Variants in FLG observed in about 807,000 individuals in gnomAD.
FLG encodes epidermal filaggrin.
In FLG, 6 loss-of-function variants were observed where a neutral mutation model predicts 3.8. That is an observed-to-expected ratio of 1.60 (90% CI 0.87 to 3.15). The LOEUF is 3.15. Among genes scored for constraint, FLG ranks in the 30% most tolerant of loss-of-function variants. The pLI is 0.00. For missense variants in FLG, 7,595 were observed against 5,050.9 expected (o/e 1.50, Z -15.27); for synonymous variants, 2,551 against 1,931.6 (o/e 1.32, Z -8.41).
Position 152,308,485 on chromosome 1 carries a change from C to A in FLG, c.6401G>T (p.Gly2134Val). 5 of 1,613,750 alleles carry A rather than the reference C, an allele frequency of 3.1e-6. No homozygotes were observed. Among genetic ancestry groups the A allele is most frequent in the Non-Finnish European group, 4.2e-6 (5 of 1,179,898 alleles). Residue 2134 changes from glycine to valine, a missense_variant, in exon 3 of 3, where the codon GGT becomes GTT. Transcript: ENST00000368799. ...DSSRHSASQE[G>V]QDTIRGHPGP... is the part of the protein sequence containing the mutation. ...CGGGTGTCCACGAATGGTGTCCTGA[C>A]CCTCTTGGGATGCTGAGTGCCTGGA...
chr1:152,323,611 T>G (rs1653050635), intron 1 of FLG, among the ~76,000 whole-genome samples: 1 of 150,476 alleles, frequency 6.6e-6, no homozygotes, highest in Non-Finnish European at 1.5e-5. Flanking sequence ...CCAAAGTGAC[T>G]AAAAAGATAA....
chr1:152,312,544 T>C lies in FLG; in HGVS notation c.2342A>G (p.Asp781Gly), dbSNP rs138055273. Residue 781 changes from aspartate to glycine, a missense_variant, in exon 3 of 3, where the codon GAC becomes GGC. Physicochemically the swap from Asp to Gly is moderately conservative, Grantham distance 94. Coordinates refer to ENST00000368799, the MANE Select transcript of FLG (RefSeq NM_002016.2). Reference protein sequence around the residue: ...HQQSHQESARDRSGERSRRSG... With the variant: ...HQQSHQESARGRSGERSRRSG... Reference sequence around the variant, plus strand: ...ACGTCGAGACCTTTCCCCTGACCGGTCACGTGCGGACTCTTGGTGGCTCTG... The same window carrying C: ...ACGTCGAGACCTTTCCCCTGACCGGCCACGTGCGGACTCTTGGTGGCTCTG... The C allele has an allele frequency of 9.7e-5, 157 of 1,613,514 alleles. 1 individual carries two copies. The African/African-American group carries it at 1.2e-3, about 13-fold the overall frequency.
At position 152,304,124 on chromosome 1, in the gene FLG, G is replaced by A; in HGVS notation, c.10762C>T (p.His3588Tyr). ...PTSHHEDRAG[H>Y]GHSAESSRQS... ...CTGGAGCTCTCTGCAGAGTGCCCGT[G>A]ACCGGCTCTGTCTTCGTGATGGGAC... Residue 3588 changes from histidine to tyrosine, a missense_variant, in exon 3 of 3, where the codon CAC becomes TAC. Coordinates refer to ENST00000368799, the MANE Select transcript of FLG (RefSeq NM_002016.2). 1.3e-6 allele frequency: 2 copies of A among 1,584,746 alleles called. No individual in the cohort carries two copies. The highest frequency in any genetic ancestry group is 1.7e-6 in the Non-Finnish European group (2 of 1,165,168).
chr1:152,324,629 C>A (rs1653087688), intron 1 of FLG, among the ~76,000 whole-genome samples: 2 of 151,848 alleles, frequency 1.3e-5, no homozygotes, highest in Non-Finnish European at 2.9e-5. Context: ...TGGCCCAACA[C>A]AAATTTGTAA....
chr1:152,313,748 G>T lies in FLG; in HGVS notation c.1138C>A (p.Pro380Thr). The T allele has an allele frequency of 6.2e-7, 1 of 1,613,984 alleles. No homozygotes were observed. The highest frequency in any genetic ancestry group is 8.5e-7 in the Non-Finnish European group (1 of 1,179,966). ...TGGCCGGATCCATGTCTTTCTCCTG[G>T]ACTTGATCTTGCCTGTTCATGGGAT... Reference protein sequence around the residue: ...ASSHEQARSSPGERHGSGHQQ... With the variant: ...ASSHEQARSSTGERHGSGHQQ... The change falls in exon 3 of 3, where the codon CCA (proline) becomes ACA (threonine). Residue 380 changes from proline (P) to threonine (T), a missense_variant. Transcript: ENST00000368799.
chr1:152,303,121 G>A lies in FLG; in HGVS notation c.11765C>T (p.Ser3922Phe), dbSNP rs530367801. Residue 3922 changes from serine (S) to phenylalanine (F), a missense_variant, in exon 3 of 3, where the codon TCT becomes TTT. Ser to Phe is a radical substitution (Grantham distance 155). Transcript: ENST00000368799. ...HVQSSPVQSD[S>F]STAKEHGHFS... ...GTGACCATGTTCCTTAGCGGTACTA[G>A]AGTCTGACTGTACAGGTGAAGACTG... is the stretch of plus-strand genomic sequence containing the variant. The A allele has an allele frequency of 6.2e-7, 1 of 1,614,188 alleles. No homozygotes were observed. The highest frequency in any genetic ancestry group is 8.5e-7 in the Non-Finnish European group (1 of 1,180,034).
In FLG at chr1:152,310,171, C is replaced by T. The variant is rs776888904; in HGVS notation, c.4715G>A (p.Arg1572Lys). 1.9e-6 allele frequency: 3 copies of T among 1,613,922 alleles called. No homozygotes were observed. The highest frequency in any genetic ancestry group is 2.5e-6 in the Non-Finnish European group (3 of 1,179,986). ...HEPSTRAGSS[R>K]HSQVGQGESA... ...TTCTCCCTGGCCCACCTGTGAGTGT[C>T]TAGAGCTGCCGGCCCGAGTGGAAGG... is the stretch of plus-strand genomic sequence containing the variant. Residue 1572 changes from arginine (R) to lysine (K), a missense_variant, in exon 3 of 3, where the codon AGA becomes AAA. By Grantham distance (26) the Arg-to-Lys change is conservative (BLOSUM62 2). Transcript: ENST00000368799.
At position 152,313,842 on chromosome 1, in the gene FLG, G is replaced by A. The variant is rs1652638832; in HGVS notation, c.1044C>T (p.His348=). 7 of 1,614,162 alleles carry A rather than the reference G, an allele frequency of 4.3e-6. No individual in the cohort carries two copies. In the East Asian group the frequency reaches 1.1e-4, roughly 26 times the overall value. ...CTGATTGTCTGGAGCTGTCTGCAGA[G>A]TGCCCATGACTGGCTCTGTCTTCAT... ...SHDEDRASHG[H]SADSSRQSGT... The change falls in exon 3 of 3, where the codon CAC becomes CAT. Residue 348 remains histidine (H), a synonymous_variant. Transcript: ENST00000368799.
chr1:152,307,566 T>A lies in FLG; in HGVS notation c.7320A>T (p.Gly2440=), dbSNP rs764773957. 6.2e-7 allele frequency: 1 copy of A among 1,613,818 alleles called. No individual in the cohort carries two copies. The change falls in exon 3 of 3, where the codon GGA becomes GGT. Residue 2440 remains glycine, a synonymous_variant. Coordinates refer to ENST00000368799, the MANE Select transcript of FLG (RefSeq NM_002016.2). ...TGTCTCGTGCCTGCTTGTGGTGGGA[T>A]CCTTGTCTTCCTCCAGTGCTGGTCC... ...RTGTSTGGRQ[G]SHHKQARDSS...
rs1443468058 is a variant in FLG at position 152,305,002 on chromosome 1, C to G, written c.9884G>C (p.Arg3295Thr). The change falls in exon 3 of 3, where the codon AGA becomes ACA. Residue 3295 changes from arginine to threonine, a missense_variant. By Grantham distance (71) the Arg-to-Thr change is moderately conservative. Transcript: ENST00000368799. ...TCCGTGTCTCTCTCCTGGACTTGAT[C>G]TTGCCTGTTCATGGGATGATGCAGC... ...GQAASSHEQA[R>T]SSPGERHGSR... 6 of 1,613,766 alleles carry G rather than the reference C, an allele frequency of 3.7e-6. No individual in the cohort carries two copies. Among genetic ancestry groups the G allele is most frequent in the Non-Finnish European group, 5.1e-6 (6 of 1,179,978 alleles).
In FLG at chr1:152,302,306, T is replaced by A. The variant is rs1009391297; in HGVS notation, c.*394A>T. The A allele has an allele frequency of 4.4e-6, 1 of 226,402 alleles. No homozygotes were observed. Among genetic ancestry groups the A allele is most frequent in the Non-Finnish European group, 8.7e-6 (1 of 114,840 alleles). 14.0% of individuals were successfully genotyped at this position (226,402 alleles called of 1,614,324 possible). Reference sequence around the variant, plus strand: ...AGATGTGCTAGCCCTGATGTTGATATAGCCACTTTGGTATACAGAACTGTT... The same window carrying A: ...AGATGTGCTAGCCCTGATGTTGATAAAGCCACTTTGGTATACAGAACTGTT... On this transcript the variant is annotated 3_prime_UTR_variant, in exon 3 of 3. Transcript: ENST00000368799.
In FLG at chr1:152,302,926, C is replaced by T; in HGVS notation, c.11960G>A (p.Gly3987Asp). Residue 3987 changes from glycine to aspartate, a missense_variant, in exon 3 of 3, where the codon GGT (glycine) becomes GAT (aspartate). Transcript: ENST00000368799. ...CTGAGAGTGTCTAAACCCGGATTCA[C>T]CATAATCATAATCTGCACTACCATA... ...GSYGSADYDY[G>D]ESGFRHSQHG... 1 of 1,614,144 alleles carries T rather than the reference C, an allele frequency of 6.2e-7. No homozygotes were observed. Among genetic ancestry groups the T allele is most frequent in the South Asian group, 1.1e-5 (1 of 91,070 alleles).
rs113136594 is a variant in FLG, at chr1:152,313,436, G to C, written c.1450C>G (p.Arg484Gly). 1.2e-6 allele frequency: 2 copies of C among 1,613,732 alleles called. No homozygotes were observed. Among genetic ancestry groups the C allele is most frequent in the Non-Finnish European group, 1.7e-6 (2 of 1,179,978 alleles). ...CTTCCTCCAGTGCTGGTCCCGGTCC[G>C]TCCATGGGCAGAGTCAGGCTGTTCA... ...THEQPDSAHGRTGTSTGGRQG... is the reference protein window; with the variant it reads ...THEQPDSAHGGTGTSTGGRQG... Residue 484 changes from arginine to glycine, a missense_variant, in exon 3 of 3, where the codon CGG becomes GGG. By Grantham distance (125) the Arg-to-Gly change is moderately radical. Coordinates refer to ENST00000368799, the MANE Select transcript of FLG (RefSeq NM_002016.2).
chr1:152,319,308 A>ATGTG (rs138449164), intron 1 of FLG, among the ~76,000 whole-genome samples: 3,156 of 145,274 alleles, frequency 0.022, 110 homozygotes, highest in African/African-American at 0.072. Context: ...CAACTAGAAA[A>ATGTG]TGTGTGTGTG....
Position 152,307,568 on chromosome 1 carries a change from C to T in FLG, c.7318G>A (p.Gly2440Arg). The T allele has an allele frequency of 1.2e-6, 2 of 1,613,766 alleles. No individual in the cohort carries two copies. The highest frequency in any genetic ancestry group is 1.7e-6 in the Non-Finnish European group (2 of 1,179,938). The change falls in exon 3 of 3, where the codon GGA (glycine) becomes AGA (arginine). Residue 2440 changes from glycine to arginine, a missense_variant. Physicochemically the swap from Gly to Arg is moderately radical, Grantham distance 125. Coordinates refer to ENST00000368799, the MANE Select transcript of FLG (RefSeq NM_002016.2). ...TCTCGTGCCTGCTTGTGGTGGGATC[C>T]TTGTCTTCCTCCAGTGCTGGTCCCG... ...RTGTSTGGRQ[G>R]SHHKQARDSS...
Position 152,314,708 on chromosome 1 carries a change from G to A in FLG, c.178C>T (p.His60Tyr), listed in dbSNP as rs201998175. The A allele has an allele frequency of 1.9e-4, 302 of 1,613,648 alleles. No homozygotes were observed. Among genetic ancestry groups the A allele is most frequent in the Admixed American group, 3.7e-4 (22 of 60,010 alleles). The part of the protein sequence containing the change: ...DPDMVDVFMD[H>Y]LDIDHNKKID... ...TTCTTGTTGTGGTCTATATCCAAGT[G>A]ATCCATGAAGACATCAACCATATCT... The change falls in exon 3 of 3, where the codon CAC becomes TAC. Residue 60 changes from histidine to tyrosine, a missense_variant. Coordinates refer to ENST00000368799, the MANE Select transcript of FLG (RefSeq NM_002016.2).
In FLG at chr1:152,307,668, T is replaced by C. The variant is rs1557874470; in HGVS notation, c.7218A>G (p.Gly2406=). The C allele has an allele frequency of 6.2e-7, 1 of 1,613,322 alleles. No individual in the cohort carries two copies. The highest frequency in any genetic ancestry group is 1.3e-5 in the African/African-American group (1 of 74,716). ...GGAAAGACCCTGAACGTCCAGACCT[T>C]CCTGCTGACCGGCCACGTGTGGACT... is the stretch of plus-strand genomic sequence containing the variant. ...HQESTRGRSA[G]RSGRSGSFLY... is the part of the protein sequence containing the mutation. The change falls in exon 3 of 3, where the codon GGA becomes GGG. Residue 2406 remains glycine, a synonymous_variant. Transcript: ENST00000368799.
chr1:152,313,162 T>G lies in FLG; in HGVS notation c.1724A>C (p.Glu575Ala). The stretch of plus-strand genomic sequence containing the variant: ...GTGCCTGGTGCCGTCTCCTGATTGT[T>G]CCTCATTTCGTGTTTGTCTGCTTGC... The part of the protein sequence containing the change: ...RSASRQTRNE[E>A]QSGDGTRHSG... The change falls in exon 3 of 3, where the codon GAA becomes GCA. Residue 575 changes from glutamate (E) to alanine (A), a missense_variant. Glu to Ala is a moderately radical substitution (Grantham distance 107). Transcript: ENST00000368799. The G allele has an allele frequency of 3.7e-6, 6 of 1,613,854 alleles. No homozygotes were observed. Among genetic ancestry groups the G allele is most frequent in the African/African-American group, 1.3e-5 (1 of 74,874 alleles).
chr1:152,303,651 G>A lies in FLG; in HGVS notation c.11235C>T (p.Ser3745=), dbSNP rs141519647. ...CCTCTTGGGACGCTGAGTGCCTGGA[G>A]CTGTCTCGTGCCTGCTCGTGGCGGG... ...QGSRHEQARD[S]SRHSASQEGQ... is the part of the protein sequence containing the mutation. Residue 3745 remains serine (S), a synonymous_variant, in exon 3 of 3, where the codon AGC becomes AGT. Coordinates refer to ENST00000368799, the MANE Select transcript of FLG (RefSeq NM_002016.2). The A allele has an allele frequency of 5.6e-6, 9 of 1,613,910 alleles. No homozygotes were observed. In the African/African-American group the frequency reaches 6.7e-5, roughly 12 times the overall value.
Sources: gnomAD v4.1 joint callset for allele counts (sites outside exome capture counted in the v4.1 genomes callset) on GRCh38, gnomAD v4.1.1 for gene constraint, MANE v1.5 for transcripts, NCBI Gene and HGNC (gene_info 2026-07-23, HGNC 2026-07-21) for gene names.